Variants in TRPM3 observed in about 807,000 individuals in gnomAD.
TRPM3 encodes long transient receptor potential channel 3.
TRPM3 carries 77 observed loss-of-function variants against 181.2 expected under a neutral mutation model. The ratio of observed to expected loss-of-function variants is 0.42; its 90% CI spans 0.35 to 0.51. The LOEUF is 0.51. Among genes scored for constraint, TRPM3 ranks in the 20% least tolerant of loss-of-function variants. The probability of loss-of-function intolerance (pLI) is 0.01; values close to 1 mark genes in which losing one functional copy is unlikely to be tolerated. For missense variants in TRPM3, 1,759 were observed against 2,196.7 expected (o/e 0.80, Z 3.98); for synonymous variants, 745 against 796.4 (o/e 0.94, Z 1.09).
chr9:70,837,119 T>C (rs2131877169), intron 5 of TRPM3, among the ~76,000 whole-genome samples: 1 of 152,314 alleles, frequency 6.6e-6, no homozygotes, highest in East Asian at 1.9e-4. Context: ...AGATACATCT[T>C]ATCTAATCTA....
intron 1 of TRPM3, among the ~76,000 whole-genome samples, chr9:70,893,460 ATATGT>A (rs1162140731): frequency 2.0e-5 from 3 of 152,204 alleles, no homozygotes; most frequent in African/African-American, 7.2e-5. Context: ...CACTATATAA[ATATGT>A]TATGATGATG....
In TRPM3 at chr9:71,072,571, C is replaced by T. The variant is rs1041615204; in HGVS notation, c.177+48607G>A. Among the ~76,000 whole-genome samples, 3 of 152,158 alleles carry T rather than the reference C, an allele frequency of 2.0e-5. 1 individual carries two copies. The highest frequency in any genetic ancestry group is 4.1e-4 in the South Asian group (2 of 4,830). The stretch of plus-strand genomic sequence containing the variant: ...ATGGATTCAGTTGTGGGTCCAATAT[C>T]ACACAGTTCTTGGGTTGCAGAATCA... On this transcript the variant is annotated intron_variant, in intron 1 of 25. Coordinates refer to ENST00000677713, the MANE Select transcript of TRPM3 (RefSeq NM_001366145.2).
intron 1 of TRPM3, among the ~76,000 whole-genome samples, chr9:71,007,527 T>G (rs2097692993): frequency 6.6e-6 from 1 of 152,176 alleles, no homozygotes; most frequent in South Asian, 2.1e-4. Context: ...GAATCTTTGC[T>G]GACCACATGG....
intron 1 of TRPM3, among the ~76,000 whole-genome samples, chr9:70,976,820 G>A (rs934199179): frequency 6.6e-5 from 10 of 152,076 alleles, no homozygotes; most frequent in African/African-American, 2.4e-4. Flanking sequence ...GCAAACTGAC[G>A]TCTAGTGACT....
intron 1 of TRPM3, among the ~76,000 whole-genome samples, chr9:70,973,389 C>T (rs1158204953): frequency 6.6e-6 from 1 of 152,148 alleles, no homozygotes; most frequent in East Asian, 1.9e-4. Context: ...CTTATGAAGT[C>T]TTCCTATTGG....
At position 71,435,093 on chromosome 9, in the gene TRPM3, T is replaced by C. The variant is rs1011114042; in HGVS notation, c.183+11560A>G. Among the ~76,000 whole-genome samples the C allele has an allele frequency of 2.0e-5, 3 of 152,320 alleles. No homozygotes were observed. In the East Asian group the frequency reaches 5.8e-4, roughly 29 times the overall value. On this transcript the variant is annotated intron_variant, in intron 1 of 24. Coordinates refer to the TRPM3 transcript ENST00000357533. ...ATTATTTTACCTGTACAGCTTCGAT[T>C]TAATTAATCAATAACTCAAATTTAC...
intron 1 of TRPM3, among the ~76,000 whole-genome samples, chr9:71,166,892 C>A (rs1160593494): frequency 6.6e-6 from 1 of 151,956 alleles, no homozygotes; most frequent in East Asian, 1.9e-4. Context: ...TACAAATAAC[C>A]TAGAATCATT....
chr9:70,935,807 A>C (rs2096824107), intron 1 of TRPM3, among the ~76,000 whole-genome samples: 1 of 152,196 alleles, frequency 6.6e-6, no homozygotes, highest in African/African-American at 2.4e-5. Flanking sequence ...CCCCAAGCGC[A>C]ATCCGTACCC....
intron 1 of TRPM3, among the ~76,000 whole-genome samples, chr9:71,025,264 G>C (rs1308004467): frequency 6.6e-6 from 1 of 152,138 alleles, no homozygotes; most frequent in Non-Finnish European, 1.5e-5. Context: ...AGATAGTAAT[G>C]ATCTAGACAG....
chr9:71,154,943 T>C (rs767270512), intron 1 of TRPM3, among the ~76,000 whole-genome samples: 20 of 152,158 alleles, frequency 1.3e-4, no homozygotes, highest in Non-Finnish European at 2.6e-4. Flanking sequence ...ACAAAAAGCA[T>C]TATCTTAAAC....
At chr9:71,335,904 A>C (rs2090522570) in intron 1 of TRPM3, among the ~76,000 whole-genome samples, 1 of 152,160 alleles carries the variant, frequency 6.6e-6, no homozygotes, top group Non-Finnish European at 1.5e-5. Context: ...TGAGCAGCAG[A>C]GAGATTTGCC....
chr9:71,281,452 C>G (rs772963875), intron 1 of TRPM3, among the ~76,000 whole-genome samples: 28 of 152,164 alleles, frequency 1.8e-4, no homozygotes, highest in Admixed American at 3.9e-4. Context: ...TGGAATAAGG[C>G]TCCTTGGGAA....
intron 1 of TRPM3, among the ~76,000 whole-genome samples, chr9:71,389,650 G>C (rs2093014274): frequency 6.6e-6 from 1 of 152,042 alleles, no homozygotes; most frequent in South Asian, 2.1e-4. Flanking sequence ...ATACTACTCA[G>C]CCATAAAAAT....
At chr9:71,181,760 A>G (rs2077418155) in intron 1 of TRPM3, among the ~76,000 whole-genome samples, 1 of 152,102 alleles carries the variant, frequency 6.6e-6, no homozygotes, top group South Asian at 2.1e-4. Context: ...ACACACTCAC[A>G]TGGGATGTTA....
At chr9:70,761,495 C>T in intron 8 of TRPM3, 106 bp downstream of exon 8, 1 of 1,538,950 alleles carries the variant, frequency 6.5e-7, no homozygotes, top group Non-Finnish European at 9.0e-7. Context: ...GAGCTGTAAG[C>T]TCGGCCAGAA....
chr9:71,262,840 G>T (rs1214675474), intron 1 of TRPM3, among the ~76,000 whole-genome samples: 1 of 152,048 alleles, frequency 6.6e-6, no homozygotes, highest in African/African-American at 2.4e-5. Context: ...CTCTCTGTGG[G>T]CTGCACTTAC....
intron 1 of TRPM3, among the ~76,000 whole-genome samples, chr9:71,425,449 C>G (rs543437448): frequency 3.3e-5 from 5 of 152,094 alleles, no homozygotes; most frequent in African/African-American, 1.2e-4. Flanking sequence ...AAACATAGGA[C>G]CCATTCTTGA....
chr9:70,900,578 A>T (rs1282574310), intron 1 of TRPM3, among the ~76,000 whole-genome samples: 1 of 152,246 alleles, frequency 6.6e-6, no homozygotes, highest in Non-Finnish European at 1.5e-5. Flanking sequence ...ACTAGACAGT[A>T]TTCACAAATA....
At chr9:71,156,227 T>C (rs2075992666) in intron 1 of TRPM3, among the ~76,000 whole-genome samples, 2 of 152,162 alleles carry the variant, frequency 1.3e-5, no homozygotes, top group Middle Eastern at 3.4e-3. Flanking sequence ...TCTGGTCAGA[T>C]TATTTTCCTG....
Sources: allele counts gnomAD v4.1 joint callset (sites outside exome capture counted in the v4.1 genomes callset), GRCh38; gene constraint gnomAD v4.1.1; transcripts MANE v1.5; gene names NCBI Gene and HGNC (gene_info 2026-07-23, HGNC 2026-07-21).